PBX1: variants seen among roughly 807,000 people sequenced by gnomAD.
PBX1 encodes pre-B-cell leukemia transcription factor 1.
Under a neutral mutation model 53.4 loss-of-function variants are expected in PBX1, and 6 were observed. The observed-to-expected ratio is 0.11, with a 90% CI of 0.06 to 0.22. PBX1 has a LOEUF of 0.22. Among genes scored for constraint, PBX1 ranks in the 10% least tolerant of loss-of-function variants. PBX1 has a pLI of 1.00. For synonymous variants in PBX1, 204 were observed against 212.3 expected (o/e 0.96, Z 0.34); for missense variants, 251 against 551.4 (o/e 0.46, Z 5.46).
intron 2 of PBX1, among the ~76,000 whole-genome samples, chr1:164,622,657 C>A (rs1657758073): frequency 6.6e-6 from 1 of 152,076 alleles, no homozygotes; most frequent in South Asian, 2.1e-4. Flanking sequence ...ATCTTCTTGT[C>A]CTGTGAGTCC....
At chr1:164,764,409 G>A (rs1424450360) in intron 2 of PBX1, among the ~76,000 whole-genome samples, 3 of 152,102 alleles carry the variant, frequency 2.0e-5, no homozygotes, top group African/African-American at 7.2e-5. Flanking sequence ...CTCTTAATAT[G>A]ATTTTCCTTA....
chr1:164,864,691 G>A (rs16835651), intron 2 of PBX1, among the ~76,000 whole-genome samples: 9,177 of 152,150 alleles, frequency 0.06, 299 homozygotes, highest in East Asian at 0.096. Flanking sequence ...GGGTCAGCCT[G>A]GCCTATCCCA....
intron 8 of PBX1, among the ~76,000 whole-genome samples, chr1:164,833,255 T>C (rs1670857417): frequency 6.6e-6 from 1 of 151,698 alleles, no homozygotes; most frequent in Non-Finnish European, 1.5e-5. Flanking sequence ...TCTGCAGATA[T>C]CAATTTTCAT....
chr1:164,809,521 CAA>C (rs1669507397), intron 5 of PBX1, among the ~76,000 whole-genome samples: 1 of 152,142 alleles, frequency 6.6e-6, no homozygotes, highest in South Asian at 2.1e-4. Context: ...CTATTTTTGA[CAA>C]GAGTCAACTG....
intron 2 of PBX1, among the ~76,000 whole-genome samples, chr1:164,591,760 A>G (rs1000214804): frequency 6.6e-6 from 1 of 152,210 alleles, no homozygotes; most frequent in African/African-American, 2.4e-5. Context: ...AGGTTTTCCT[A>G]TCCTACAAGT....
chr1:164,812,179 G>A (rs1450089727), intron 6 of PBX1, 30 bp downstream of exon 6: 10 of 1,587,112 alleles, frequency 6.3e-6, no homozygotes, highest in African/African-American at 1.4e-5. Flanking sequence ...GGGGGTGGGG[G>A]AAGGAATTGT....
At chr1:164,597,267 C>T (rs1655833089) in intron 2 of PBX1, among the ~76,000 whole-genome samples, 1 of 152,150 alleles carries the variant, frequency 6.6e-6, no homozygotes. Context: ...TTATGTGGCC[C>T]CTCAGGGCCT....
At chr1:164,589,440 G>A (rs1770553) in intron 2 of PBX1, among the ~76,000 whole-genome samples, 148,313 of 152,142 alleles carry the variant, frequency 0.97, 72,394 homozygotes, top group East Asian at 1. Context: ...ACATTAAAGC[G>A]TTCTGATCCC....
chr1:164,643,848 A>G (rs1310092393), intron 2 of PBX1, among the ~76,000 whole-genome samples: 1 of 152,130 alleles, frequency 6.6e-6, no homozygotes, highest in Non-Finnish European at 1.5e-5. Flanking sequence ...TGTCTACCTG[A>G]CTCCAAAGCC....
intron 2 of PBX1, among the ~76,000 whole-genome samples, chr1:164,864,463 A>G (rs1382646511): frequency 2.6e-5 from 4 of 152,000 alleles, no homozygotes; most frequent in African/African-American, 4.8e-5. Flanking sequence ...TTATTTATTT[A>G]TTTGTTTGCT....
At chr1:164,692,857 T>C (rs1662574108) in intron 2 of PBX1, among the ~76,000 whole-genome samples, 1 of 152,186 alleles carries the variant, frequency 6.6e-6, no homozygotes, top group Non-Finnish European at 1.5e-5. Context: ...TTTTACTAGG[T>C]TCTAATTTCA....
At chr1:164,815,092 T>G (rs957097142) in intron 6 of PBX1, 9 of 152,194 alleles carry the variant, frequency 5.9e-5, no homozygotes, top group South Asian at 4.1e-4. Context: ...GTTGAAGCAC[T>G]GGTTAAAACC....
At chr1:164,655,860 G>T (rs1358387336) in intron 2 of PBX1, among the ~76,000 whole-genome samples, 1 of 152,172 alleles carries the variant, frequency 6.6e-6, no homozygotes, top group African/African-American at 2.4e-5. Flanking sequence ...CTAACATGGT[G>T]TAAGGACCTG....
At chr1:164,742,478 G>T (rs1557979066) in intron 2 of PBX1, among the ~76,000 whole-genome samples, 1 of 152,094 alleles carries the variant, frequency 6.6e-6, no homozygotes. Context: ...GGAGGCAAAG[G>T]TTGCAGTGAG....
chr1:164,810,687 A>AC (rs1350646924), intron 5 of PBX1, among the ~76,000 whole-genome samples: 5 of 152,200 alleles, frequency 3.3e-5, no homozygotes, highest in African/African-American at 1.2e-4. Context: ...GTCAAGAAAA[A>AC]CATAAATTTC....
At chr1:164,703,446 T>C (rs1663248983) in intron 2 of PBX1, 1 of 152,098 alleles carries the variant, frequency 6.6e-6, no homozygotes, top group African/African-American at 2.4e-5. Context: ...GGCTGCCTTA[T>C]GTGTAATGGA....
chr1:164,748,024 A>G (rs866884214), intron 2 of PBX1, among the ~76,000 whole-genome samples: 10 of 152,150 alleles, frequency 6.6e-5, no homozygotes, highest in African/African-American at 2.4e-4. Flanking sequence ...TTACTCCAAA[A>G]TGATCAAGTT....
chr1:164,688,838 T>G (rs34811974), intron 2 of PBX1, among the ~76,000 whole-genome samples: 6,782 of 152,350 alleles, frequency 0.045, 212 homozygotes, highest in South Asian at 0.087. Context: ...GCACACAGCC[T>G]TTCATGGAAA....
chr1:164,637,356 G>GA (rs1354395557), intron 2 of PBX1, among the ~76,000 whole-genome samples: 1 of 152,172 alleles, frequency 6.6e-6, no homozygotes, highest in South Asian at 2.1e-4. Flanking sequence ...AAAACTGAGA[G>GA]AAAAAATGGA....
Sources: gnomAD v4.1 joint callset for allele counts (sites outside exome capture counted in the v4.1 genomes callset) on GRCh38, gnomAD v4.1.1 for gene constraint, MANE v1.5 for transcripts, NCBI Gene and HGNC (gene_info 2026-07-23, HGNC 2026-07-21) for gene names.